Variants in TCERG1L observed in about 807,000 individuals in gnomAD.
The protein encoded by TCERG1L is transcription elongation regulator 1-like protein.
In TCERG1L, 37 loss-of-function variants were observed where a neutral mutation model predicts 56.3. The observed-to-expected ratio is 0.66, with a 90% CI of 0.51 to 0.87. The LOEUF is 0.87. Ranked by LOEUF, TCERG1L falls within the 40% of genes least tolerant of loss-of-function variation. TCERG1L has a pLI of 0.00. For missense variants in TCERG1L, 799 were observed against 774.2 expected, an observed-to-expected ratio of 1.03 and a Z score of -0.38; for synonymous variants, 324 against 326.3, an observed-to-expected ratio of 0.99 and a Z score of 0.08.
intron 4 of TCERG1L, among the ~76,000 whole-genome samples, chr10:131,222,127 T>C (rs1473280614): frequency 6.6e-6 from 1 of 152,204 alleles, no homozygotes; most frequent in African/African-American, 2.4e-5. Flanking sequence ...TATTACACCA[T>C]AAATATGAAA....
intron 9 of TCERG1L, among the ~76,000 whole-genome samples, chr10:131,113,503 T>G (rs1845429026): frequency 7.0e-6 from 1 of 142,356 alleles, no homozygotes; most frequent in African/African-American, 2.5e-5. Context: ...TGTAGAGGCC[T>G]CTGTCTGGTT....
Position 131,093,048 on chromosome 10 carries a change from C to T in TCERG1L, c.*114G>A, listed in dbSNP as rs147601809. The T allele has an allele frequency of 3.5e-4, 388 of 1,117,272 alleles. 2 individuals carry two copies. The highest frequency in any genetic ancestry group is 1.6e-3 in the East Asian group (66 of 41,642). The allele number at this position is 1,117,272 out of a possible 1,614,324, so 69.2% of individuals were successfully genotyped here. A position where few individuals can be genotyped will look rare whatever the true frequency, so the allele number is the denominator to read the frequency against. ...ACGAAGACCCCGCAGTGCCGGTGCCCGCTGGGCCGTGCAGGTCTCGGCCGC... is the reference window on the plus strand; with the variant it reads ...ACGAAGACCCCGCAGTGCCGGTGCCTGCTGGGCCGTGCAGGTCTCGGCCGC... On this transcript the variant is annotated 3_prime_UTR_variant, in exon 12 of 12. Transcript: ENST00000368642.
Position 131,134,517 on chromosome 10 carries a change from A to C in TCERG1L, c.1190-69T>G, listed in dbSNP as rs1845652989. Reference sequence around the variant, plus strand: ...AGGGCTTTGGCAAAACCACCAGGTGACACTCACTTTCAAGTAGACTTATCT... The same window carrying C: ...AGGGCTTTGGCAAAACCACCAGGTGCCACTCACTTTCAAGTAGACTTATCT... On this transcript the variant is annotated intron_variant, in intron 7 of 11. Transcript: ENST00000368642. 8.2e-6 allele frequency: 10 copies of C among 1,216,724 alleles called. No individual in the cohort carries two copies. In the South Asian group the frequency reaches 1.3e-4, roughly 16 times the overall value. The allele number at this position is 1,216,724 out of a possible 1,614,324, so 75.4% of individuals were successfully genotyped here. A position where few individuals can be genotyped will look rare whatever the true frequency, so the allele number is the denominator to read the frequency against.
intron 4 of TCERG1L, among the ~76,000 whole-genome samples, chr10:131,258,936 G>C (rs1846204452): frequency 6.6e-6 from 1 of 152,088 alleles, no homozygotes; most frequent in South Asian, 2.1e-4. Context: ...CAATGTACTA[G>C]TAGGTTTAAC....
At chr10:131,134,334 T>C (rs759984512) in intron 8 of TCERG1L, 45 bp downstream of exon 8, 2 of 1,521,864 alleles carry the variant, frequency 1.3e-6, no homozygotes, top group East Asian at 4.8e-5. Context: ...ACCACCTGAG[T>C]ACACAGTAGG....
chr10:131,118,639 G>A lies in TCERG1L; in HGVS notation c.1260-1705C>T, dbSNP rs147073238. ...GAGGTTGGTTCAGCCAAAACCCCCC[G>A]ATCCCTGAGGTCTGCTCTTGGTAAT... On this transcript the variant is annotated intron_variant, in intron 8 of 11. Coordinates refer to ENST00000368642, the MANE Select transcript of TCERG1L (RefSeq NM_174937.4). The surrounding 1 kb of genome is among the most constrained non-coding windows in gnomAD (Gnocchi z 4.2). Among the ~76,000 whole-genome samples, 405 of 152,104 alleles carry A rather than the reference G, an allele frequency of 2.7e-3. 3 individuals are homozygous for A. Among genetic ancestry groups the A allele is most frequent in the African/African-American group, 9.2e-3 (381 of 41,480 alleles).
At chr10:131,239,579 G>C (rs150820509) in intron 4 of TCERG1L, among the ~76,000 whole-genome samples, 85 of 152,322 alleles carry the variant, frequency 5.6e-4, no homozygotes, top group African/African-American at 1.8e-3. Flanking sequence ...ACTCTCAGAC[G>C]CATCGGCCCT....
chr10:131,093,629 A>G (rs1005902572), intron 11 of TCERG1L, among the ~76,000 whole-genome samples: 1 of 151,928 alleles, frequency 6.6e-6, no homozygotes, highest in Non-Finnish European at 1.5e-5. Context: ...CGCCCCGATC[A>G]CAGCTTTGCT....
intron 4 of TCERG1L, among the ~76,000 whole-genome samples, chr10:131,210,763 G>A (rs190083544): frequency 6.3e-4 from 95 of 151,838 alleles, no homozygotes; most frequent in East Asian, 5.8e-3. Context: ...TCAGGCCCAC[G>A]TTACAAACAT....
intron 4 of TCERG1L, among the ~76,000 whole-genome samples, chr10:131,212,480 T>C (rs995682970): frequency 6.6e-6 from 1 of 152,244 alleles, no homozygotes; most frequent in East Asian, 1.9e-4. Context: ...ACTGTTCATC[T>C]ATGCTTGGCA....
At chr10:131,209,860 C>T (rs1045918760) in intron 4 of TCERG1L, among the ~76,000 whole-genome samples, 1 of 151,958 alleles carries the variant, frequency 6.6e-6, no homozygotes, top group African/African-American at 2.4e-5. Flanking sequence ...AAAGATAATG[C>T]TTTTAAAATG....
chr10:131,214,059 CA>C (rs1845644985), intron 4 of TCERG1L, among the ~76,000 whole-genome samples: 1 of 151,710 alleles, frequency 6.6e-6, no homozygotes, highest in Non-Finnish European at 1.5e-5. Context: ...CGCACACACA[CA>C]CGCACAACAG....
At chr10:131,217,708 C>CTTTTT (rs534101797) in intron 4 of TCERG1L, among the ~76,000 whole-genome samples, 6 of 79,046 alleles carry the variant, frequency 7.6e-5, no homozygotes, top group African/African-American at 1.6e-4. Context: ...AGTAGCTGCC[C>CTTTTT]TTTTTTTTTT....
intron 4 of TCERG1L, among the ~76,000 whole-genome samples, chr10:131,244,630 CG>C (rs1564824219): frequency 6.6e-6 from 1 of 152,132 alleles, no homozygotes. Context: ...GCCAGGACTT[CG>C]GTCTCAGTAA....
chr10:131,123,206 A>G (rs1845530615), intron 8 of TCERG1L, among the ~76,000 whole-genome samples: 1 of 152,192 alleles, frequency 6.6e-6, no homozygotes, highest in African/African-American at 2.4e-5. Context: ...TGCCCTCACC[A>G]GGCTCACATT....
intron 6 of TCERG1L, among the ~76,000 whole-genome samples, chr10:131,158,533 C>A (rs1233046338): frequency 1.3e-5 from 2 of 152,192 alleles, no homozygotes; most frequent in Non-Finnish European, 2.9e-5. Context: ...CCTTATCATC[C>A]CAATTCCAGC....
chr10:131,108,836 G>C (rs11017725), intron 9 of TCERG1L, among the ~76,000 whole-genome samples: 22,755 of 152,200 alleles, frequency 0.15, 2,063 homozygotes, highest in Middle Eastern at 0.23. Flanking sequence ...GTGGTTGCAG[G>C]GCTGAAGTTT....
At chr10:131,212,319 G>A (rs1845628258) in intron 4 of TCERG1L, among the ~76,000 whole-genome samples, 1 of 152,206 alleles carries the variant, frequency 6.6e-6, no homozygotes, top group Middle Eastern at 3.2e-3. Context: ...CCTTTTTGGT[G>A]TCCACATCCA....
At chr10:131,264,839 C>G (rs1846269853) in intron 3 of TCERG1L, among the ~76,000 whole-genome samples, 1 of 152,238 alleles carries the variant, frequency 6.6e-6, no homozygotes, top group Non-Finnish European at 1.5e-5. Context: ...AACTCCATGA[C>G]TTCAGGGCCC....
Sources: gnomAD v4.1 joint callset for allele counts (sites outside exome capture counted in the v4.1 genomes callset) on GRCh38, gnomAD v4.1.1 for gene constraint, Gnocchi (gnomAD v3.1) non-coding constraint, MANE v1.5 for transcripts, NCBI Gene and HGNC (gene_info 2026-07-23, HGNC 2026-07-21) for gene names.